TRPC4: variants seen among roughly 807,000 people sequenced by gnomAD.
The protein encoded by TRPC4 is short transient receptor potential channel 4.
Under a neutral mutation model 99.4 loss-of-function variants are expected in TRPC4, and 49 were observed. The ratio of observed to expected loss-of-function variants is 0.49; its 90% confidence interval spans 0.39 to 0.63. The LOEUF (loss-of-function observed/expected upper bound fraction) is 0.63, where lower values mean the gene tolerates loss of function less well. TRPC4 is among the 20% of genes least tolerant of loss of function. The pLI, the probability that TRPC4 is intolerant of heterozygous loss-of-function variation, is 0.00. For missense variants in TRPC4, 898 were observed against 1,152.9 expected, an observed-to-expected ratio of 0.78 and a Z score of 3.20; for synonymous variants, 454 against 425.9, an observed-to-expected ratio of 1.07 and a Z score of -0.81.
intron 1 of TRPC4, among the ~76,000 whole-genome samples, chr13:37,839,626 T>C (rs962139289): frequency 1.3e-5 from 2 of 152,194 alleles, no homozygotes; most frequent in Admixed American, 1.3e-4. Flanking sequence ...CCAACTGCAC[T>C]GTCAGATAGA....
At chr13:37,717,967 C>T (rs1447821624) in intron 3 of TRPC4, among the ~76,000 whole-genome samples, 1 of 152,102 alleles carries the variant, frequency 6.6e-6, no homozygotes, top group East Asian at 1.9e-4. Flanking sequence ...TTCTTATTTA[C>T]TTATTTGTTT....
intron 1 of TRPC4, among the ~76,000 whole-genome samples, chr13:37,786,421 A>C (rs1956973072): frequency 6.6e-6 from 1 of 151,898 alleles, no homozygotes; most frequent in Non-Finnish European, 1.5e-5. Flanking sequence ...ATTTTTCAGC[A>C]CATGGGCTTG....
intron 3 of TRPC4, among the ~76,000 whole-genome samples, chr13:37,708,621 T>C (rs1954370331): frequency 6.6e-6 from 1 of 151,216 alleles, no homozygotes; most frequent in Non-Finnish European, 1.5e-5. Context: ...ACCCTTAGAA[T>C]TTAAGAACAG....
intron 1 of TRPC4, among the ~76,000 whole-genome samples, chr13:37,837,653 T>C (rs761835526): frequency 6.6e-6 from 1 of 152,248 alleles, no homozygotes; most frequent in Non-Finnish European, 1.5e-5. Flanking sequence ...CTTTTGATTT[T>C]ACAGGCTCAT....
At chr13:37,710,950 C>T (rs1212649173) in intron 3 of TRPC4, among the ~76,000 whole-genome samples, 2 of 151,864 alleles carry the variant, frequency 1.3e-5, no homozygotes, top group African/African-American at 2.4e-5. Context: ...TAGTTATTCT[C>T]TCTTATACCA....
chr13:37,727,905 TG>T lies in TRPC4; in HGVS notation c.897+18031del, dbSNP rs1955114152. ...TTTTTCAACATATAAAATCAATCAATGTAATATACTATATTAACTGAATGAA... is the reference window on the plus strand; with the variant it reads ...TTTTTCAACATATAAAATCAATCAATTAATATACTATATTAACTGAATGAA... On this transcript the variant is annotated intron_variant, in intron 3 of 10. Transcript: ENST00000379705. Among the ~76,000 whole-genome samples, 4 of 152,190 alleles carry T rather than the reference TG, an allele frequency of 2.6e-5. 1 individual carries two copies. The South Asian group carries it at 8.3e-4, about 32-fold the overall frequency.
At chr13:37,675,329 C>T (rs1953009365) in intron 4 of TRPC4, among the ~76,000 whole-genome samples, 7 of 152,162 alleles carry the variant, frequency 4.6e-5, no homozygotes, top group Admixed American at 3.9e-4. Context: ...ATGCACGTTC[C>T]TCTAAAGCAA....
chr13:37,661,663 G>T (rs905057507), intron 6 of TRPC4, among the ~76,000 whole-genome samples: 2 of 152,146 alleles, frequency 1.3e-5, no homozygotes, highest in African/African-American at 4.8e-5. Context: ...CAGAAATCCA[G>T]GAGACCAGCT....
intron 5 of TRPC4, among the ~76,000 whole-genome samples, chr13:37,672,917 A>C (rs1952903582): frequency 6.6e-6 from 1 of 152,214 alleles, no homozygotes; most frequent in African/African-American, 2.4e-5. Flanking sequence ...GCATTTTAAC[A>C]GAAAACTATG....
intron 1 of TRPC4, among the ~76,000 whole-genome samples, chr13:37,860,811 C>T (rs1232222379): frequency 1.3e-5 from 2 of 151,392 alleles, no homozygotes; most frequent in Non-Finnish European, 3.0e-5. Context: ...ATTGAAAATT[C>T]CCATTTGTAG....
intron 5 of TRPC4, 42 bp from the exon 6 acceptor site, chr13:37,663,771 A>G: frequency 6.6e-7 from 1 of 1,514,310 alleles, no homozygotes; most frequent in Non-Finnish European, 9.0e-7. Context: ...AAACAAACAC[A>G]CGCATATAAA....
At chr13:37,845,582 T>C (rs1031260168) in intron 1 of TRPC4, among the ~76,000 whole-genome samples, 3 of 151,820 alleles carry the variant, frequency 2.0e-5, no homozygotes, top group Admixed American at 2.0e-4. Context: ...AGAGGACATT[T>C]GAAATTATCC....
In TRPC4 at chr13:37,637,512, T is replaced by G. The variant is rs561992636; in HGVS notation, c.2325A>C (p.Ala775=). Residue 775 remains alanine (A), a synonymous_variant, in exon 11 of 11, where the codon GCA becomes GCC. Coordinates refer to ENST00000379705, the MANE Select transcript of TRPC4 (RefSeq NM_016179.4). The stretch of plus-strand genomic sequence containing the variant: ...CGCTATCACTCTTTTCATCTGAGTC[T>G]GCCGAATTTGAAGACTCCTTCGAGG... ...ANASKESSNS[A]DSDEKSDSEG... The G allele has an allele frequency of 6.8e-6, 11 of 1,613,804 alleles. No homozygotes were observed. The East Asian group carries it at 2.2e-4, about 33-fold the overall frequency.
At chr13:37,848,859 G>T (rs977875108) in intron 1 of TRPC4, among the ~76,000 whole-genome samples, 4 of 152,228 alleles carry the variant, frequency 2.6e-5, no homozygotes, top group Non-Finnish European at 4.4e-5. Flanking sequence ...ACATGCTTTT[G>T]TAGGTCTATG....
rs530767164 is a variant in TRPC4 at position 37,783,513 on chromosome 13, A to G, written c.-27-153T>C. On this transcript the variant is annotated intron_variant, in intron 1 of 10. Coordinates refer to ENST00000379705, the MANE Select transcript of TRPC4 (RefSeq NM_016179.4). ...AAGGTTTTTTTTTTTCTTCAACAAT[A>G]TAAATACTAAATAGTTGTTCAATTA... Among the ~76,000 whole-genome samples, 3 of 152,102 alleles carry G rather than the reference A, an allele frequency of 2.0e-5. No individual in the cohort carries two copies. The East Asian group carries it at 5.8e-4, about 29-fold the overall frequency.
intron 7 of TRPC4, among the ~76,000 whole-genome samples, chr13:37,654,248 G>A (rs970384011): frequency 1.3e-5 from 2 of 152,062 alleles, no homozygotes; most frequent in Non-Finnish European, 2.9e-5. Flanking sequence ...GTAATGGAAT[G>A]TAATTATTTA....
At position 37,637,118 on chromosome 13, in the gene TRPC4, C is replaced by G. The variant is rs1412923741; in HGVS notation, c.2719G>C (p.Val907Leu). Residue 907 changes from valine to leucine, a missense_variant, in exon 11 of 11, where the codon GTG (valine) becomes CTG (leucine). By Grantham distance (32) the Val-to-Leu change is conservative. This residue lies in a region of TRPC4 where 346 missense variants were observed against 351.4 expected (regional missense o/e 0.98). Coordinates refer to ENST00000379705, the MANE Select transcript of TRPC4 (RefSeq NM_016179.4). ...LSIPGLSEQCVLVDHRERNTD... is the reference protein window; with the variant it reads ...LSIPGLSEQCLLVDHRERNTD... ...TTCCTTTCTCTATGGTCTACTAACACACATTGTTCACTGAGACCGGGAATG... is the reference window on the plus strand; with the variant it reads ...TTCCTTTCTCTATGGTCTACTAACAGACATTGTTCACTGAGACCGGGAATG... The G allele has an allele frequency of 6.2e-7, 1 of 1,613,684 alleles. No individual in the cohort carries two copies. The highest frequency in any genetic ancestry group is 8.5e-7 in the Non-Finnish European group (1 of 1,179,836).
chr13:37,766,811 A>T (rs943114506), intron 2 of TRPC4, among the ~76,000 whole-genome samples: 3 of 151,458 alleles, frequency 2.0e-5, no homozygotes, highest in Non-Finnish European at 4.4e-5. Context: ...AACGTCACTG[A>T]CTGTCTACTC....
chr13:37,865,705 T>C (rs1038142338), intron 1 of TRPC4, among the ~76,000 whole-genome samples: 4 of 151,756 alleles, frequency 2.6e-5, no homozygotes, highest in Admixed American at 6.6e-5. Flanking sequence ...GATTATTGAT[T>C]GTATTTTAGA....
Sources: allele counts gnomAD v4.1 joint callset (sites outside exome capture counted in the v4.1 genomes callset), GRCh38; gene constraint gnomAD v4.1.1; regional missense constraint gnomAD v4.1.1; transcripts MANE v1.5; gene names NCBI Gene and HGNC (gene_info 2026-07-23, HGNC 2026-07-21).